ATP8A1: variants seen among roughly 807,000 people sequenced by gnomAD.
ATP8A1 encodes the protein ATPase phospholipid transporting 8A1, also known as phospholipid-transporting ATPase IA.
In ATP8A1, 90 loss-of-function variants were observed where a neutral mutation model predicts 177.7. The observed-to-expected ratio is 0.51, with a 90% CI of 0.43 to 0.60. ATP8A1 has a LOEUF of 0.60. Ranked by LOEUF, ATP8A1 falls within the 20% of genes least tolerant of loss-of-function variation. The pLI is 0.00. For synonymous variants in ATP8A1, 493 were observed against 485.9 expected (o/e 1.01, Z -0.19); for missense variants, 1,072 against 1,392.8 (o/e 0.77, Z 3.67).
At chr4:42,654,300 T>C (rs1741407233) in intron 1 of ATP8A1, among the ~76,000 whole-genome samples, 3 of 152,204 alleles carry the variant, frequency 2.0e-5, no homozygotes. Flanking sequence ...AGACTATTTA[T>C]TCCCTCTTTA....
intron 24 of ATP8A1, among the ~76,000 whole-genome samples, chr4:42,487,661 G>A (rs4330383): frequency 0.077 from 11,692 of 151,942 alleles, 1,461 homozygotes; most frequent in African/African-American, 0.26. Flanking sequence ...TGGTCATTTT[G>A]TAGTTATTTC....
intron 27 of ATP8A1, among the ~76,000 whole-genome samples, chr4:42,463,782 T>C (rs1320543501): frequency 2.0e-5 from 3 of 152,250 alleles, no homozygotes; most frequent in African/African-American, 7.2e-5. Flanking sequence ...AATATTCTGA[T>C]AATTTTTAGA....
At position 42,604,383 on chromosome 4, in the gene ATP8A1, C is replaced by T. The variant is rs117095160; in HGVS notation, c.410-3865G>A. ...AGATCCATGACAAGAGAAACCTTCC[C>T]TATTATACTCACTGTTACCATTCCA... On this transcript the variant is annotated intron_variant, in intron 5 of 36. Transcript: ENST00000381668. Among the ~76,000 whole-genome samples the T allele has an allele frequency of 1.3e-3, 201 of 152,190 alleles. 1 individual carries two copies. The East Asian group carries it at 0.035, about 26-fold the overall frequency.
At chr4:42,538,235 A>T (rs879312692) in intron 20 of ATP8A1, among the ~76,000 whole-genome samples, 2 of 152,214 alleles carry the variant, frequency 1.3e-5, no homozygotes, top group Admixed American at 6.5e-5. Flanking sequence ...ATAAAACTGG[A>T]TCCTCATCTG....
At chr4:42,617,943 G>A (rs969686135) in intron 4 of ATP8A1, among the ~76,000 whole-genome samples, 1 of 152,136 alleles carries the variant, frequency 6.6e-6, no homozygotes, top group Non-Finnish European at 1.5e-5. Flanking sequence ...GTCTTGATAA[G>A]ATTATTCCTT....
intron 33 of ATP8A1, among the ~76,000 whole-genome samples, chr4:42,426,162 C>T (rs1714594461): frequency 1.3e-5 from 2 of 152,158 alleles, no homozygotes; most frequent in Non-Finnish European, 2.9e-5. Flanking sequence ...GGGGCATGAC[C>T]GATAAGAGGG....
At chr4:42,477,663 C>T (rs545274106) in intron 25 of ATP8A1, among the ~76,000 whole-genome samples, 1 of 152,108 alleles carries the variant, frequency 6.6e-6, no homozygotes, top group South Asian at 2.1e-4. Context: ...AGTGTAATAA[C>T]AAGCAGTGAT....
intron 20 of ATP8A1, among the ~76,000 whole-genome samples, chr4:42,540,350 C>T (rs1007077888): frequency 1.3e-5 from 2 of 151,994 alleles, no homozygotes; most frequent in Non-Finnish European, 2.9e-5. Context: ...ACTAGTACAG[C>T]CACTATGGAA....
At chr4:42,467,984 T>C (rs1199931100) in intron 25 of ATP8A1, among the ~76,000 whole-genome samples, 3 of 152,294 alleles carry the variant, frequency 2.0e-5, no homozygotes, top group Non-Finnish European at 4.4e-5. Context: ...ATCCTTTTGC[T>C]GTGCAGAAGC....
intron 27 of ATP8A1, among the ~76,000 whole-genome samples, chr4:42,463,057 C>A (rs1719341606): frequency 6.6e-6 from 1 of 152,128 alleles, no homozygotes; most frequent in Non-Finnish European, 1.5e-5. Context: ...ATTTTACAGG[C>A]TCATAGGCGG....
At position 42,416,655 on chromosome 4, in the gene ATP8A1, G is replaced by A. The variant is rs1284162424; in HGVS notation, c.3306-1937C>T. ...GAGTAGGGCTTTGGTTTAATTTTGC[G>A]TTGGCTGCTTATTAGCTGGGTCACC... On this transcript the variant is annotated intron_variant, in intron 35 of 36. Transcript: ENST00000381668. 5.3e-5 allele frequency among the ~76,000 whole-genome samples: 8 copies of A among 152,064 alleles called. No individual in the cohort carries two copies. The East Asian group carries it at 5.8e-4, about 11-fold the overall frequency.
intron 22 of ATP8A1, among the ~76,000 whole-genome samples, chr4:42,519,070 C>A (rs777717762): frequency 1.1e-4 from 17 of 152,060 alleles, no homozygotes; most frequent in Non-Finnish European, 2.1e-4. Flanking sequence ...TCACAAAGAT[C>A]CCTGTGTTAT....
intron 19 of ATP8A1, among the ~76,000 whole-genome samples, chr4:42,548,527 TATTTAATACTTGTATGTCTGGGAAC>T (rs1369773804): frequency 6.6e-6 from 1 of 152,248 alleles, no homozygotes; most frequent in Non-Finnish European, 1.5e-5. Context: ...AGATCTTGAT[TATTTAATACTTGTATGTCTGGGAAC>T]ATTTTAAGTC....
intron 22 of ATP8A1, among the ~76,000 whole-genome samples, chr4:42,521,870 G>A (rs969522560): frequency 1.3e-5 from 2 of 152,096 alleles, no homozygotes; most frequent in Non-Finnish European, 2.9e-5. Context: ...CATATCCTCA[G>A]AGATCCAGAA....
In ATP8A1 at chr4:42,423,625, C is replaced by T. The variant is rs374530990; in HGVS notation, c.3204G>A (p.Val1068=). 6.2e-7 allele frequency: 1 copy of T among 1,608,978 alleles called. No individual in the cohort carries two copies. The highest frequency in any genetic ancestry group is 8.5e-7 in the Non-Finnish European group (1 of 1,176,504). The change falls in exon 34 of 37, where the codon GTG becomes GTA. Residue 1068 remains valine, a synonymous_variant. Coordinates refer to ENST00000381668, the MANE Select transcript of ATP8A1 (RefSeq NM_006095.2). ...ACTGAGTATATACTTACACCTTGTACACCACATCAAGGAGCAGAGATGCCA... is the reference window on the plus strand; with the variant it reads ...ACTGAGTATATACTTACACCTTGTATACCACATCAAGGAGCAGAGATGCCA... ...IPVASLLLDV[V]YKVIKRTAFK...
chr4:42,522,441 C>T, intron 21 of ATP8A1, 142 bp from the exon 22 acceptor site: 1 of 989,566 alleles, frequency 1.0e-6, no homozygotes. Flanking sequence ...TAAATTATGA[C>T]AAAAACTTAG....
In ATP8A1 at chr4:42,496,838, A is replaced by G. The variant is rs558855425; in HGVS notation, c.2151+6612T>C. Among the ~76,000 whole-genome samples, 59 of 151,920 alleles carry G rather than the reference A, an allele frequency of 3.9e-4. 1 individual carries two copies. Among genetic ancestry groups the G allele is most frequent in the Admixed American group, 7.9e-4 (12 of 15,252 alleles). ...CACATATATACGTACATATATATAC[A>G]CACACACACAGTCAATAACATCTTA... On this transcript the variant is annotated intron_variant, in intron 24 of 36. Coordinates refer to ENST00000381668, the MANE Select transcript of ATP8A1 (RefSeq NM_006095.2).
Position 42,562,906 on chromosome 4 carries a change from A to G in ATP8A1, c.1340+6255T>C, listed in dbSNP as rs565079428. ...CCAGCCACGTGGAACTGTAAGTCCA[A>G]TAAACCTCTTTCTTCTGTAAATTGC... On this transcript the variant is annotated intron_variant, in intron 15 of 36. Transcript: ENST00000381668. Among the ~76,000 whole-genome samples the G allele has an allele frequency of 3.3e-5, 5 of 152,372 alleles. No homozygotes were observed. In the South Asian group the frequency reaches 1.0e-3, roughly 32 times the overall value.
chr4:42,549,168 C>G, intron 18 of ATP8A1, 106 bp from the exon 19 acceptor site: 2 of 837,398 alleles, frequency 2.4e-6, no homozygotes, highest in East Asian at 5.2e-5. Flanking sequence ...CCAACACAAA[C>G]AAATTTTCCC....
Sources: allele counts gnomAD v4.1 joint callset (sites outside exome capture counted in the v4.1 genomes callset), GRCh38; gene constraint gnomAD v4.1.1; transcripts MANE v1.5; gene names NCBI Gene and HGNC (gene_info 2026-07-23, HGNC 2026-07-21).